SHISAL1: variants seen among roughly 807,000 people sequenced by gnomAD.
The protein encoded by SHISAL1 is protein shisa-like-1.
A neutral mutation model predicts 22.6 loss-of-function variants in SHISAL1; 9 were observed. That is an observed-to-expected ratio of 0.40 (90% CI 0.24 to 0.70). The LOEUF (loss-of-function observed/expected upper bound fraction) is 0.70. Ranked by LOEUF, SHISAL1 falls within the 30% of genes least tolerant of loss-of-function variation. The pLI, the probability that SHISAL1 is intolerant of heterozygous loss-of-function variation, is 0.39. For missense variants in SHISAL1, 246 were observed against 270.6 expected, an observed-to-expected ratio of 0.91 and a Z score of 0.64; for synonymous variants, 119 against 115.4, an observed-to-expected ratio of 1.03 and a Z score of -0.20.
rs535634282 is a variant in SHISAL1, at chr22:44,279,469, C to T, written c.599+5959G>A. Among the ~76,000 whole-genome samples, 450 of 152,342 alleles carry T rather than the reference C, an allele frequency of 3.0e-3. 2 individuals carry two copies. The highest frequency in any genetic ancestry group is 0.01 in the African/African-American group (431 of 41,572). On this transcript the variant is annotated intron_variant, in intron 4 of 4. Coordinates refer to ENST00000381176, the MANE Select transcript of SHISAL1 (RefSeq NM_001099294.2). ...TGGCTGGCACCCTCCCTGCAGAAAC[C>T]ACACGCCAAGGACCCTGGCTGCAGA...
intron 4 of SHISAL1, among the ~76,000 whole-genome samples, chr22:44,262,451 T>TA (rs1407903780): frequency 6.6e-6 from 1 of 152,206 alleles, no homozygotes; most frequent in Non-Finnish European, 1.5e-5. Context: ...GTACTGATTA[T>TA]CTCTTCTGTG....
the SHISAL1 span, among the ~76,000 whole-genome samples, chr22:44,321,094 AT>A: frequency 6.6e-6 from 1 of 152,128 alleles, no homozygotes. Flanking sequence ...TGGATTAGCA[AT>A]GTCTAATGGT....
At chr22:44,252,835 AT>A (rs2055057624) in intron 4 of SHISAL1, among the ~76,000 whole-genome samples, 1 of 151,932 alleles carries the variant, frequency 6.6e-6, no homozygotes, top group South Asian at 2.1e-4. Context: ...TCTACTAAAA[AT>A]ACAAAAAAAT....
intron 3 of SHISAL1, among the ~76,000 whole-genome samples, chr22:44,290,547 A>G (rs1266570017): frequency 6.6e-6 from 1 of 151,598 alleles, no homozygotes; most frequent in Non-Finnish European, 1.5e-5. Context: ...AAAAAAAACA[A>G]AAAACGGGAG....
intron 1 of SHISAL1, among the ~76,000 whole-genome samples, chr22:44,307,011 T>C (rs1259679387): frequency 6.6e-6 from 1 of 152,136 alleles, no homozygotes; most frequent in East Asian, 1.9e-4. Flanking sequence ...GGAGGGGACC[T>C]GGGATCTGGG....
the SHISAL1 span, among the ~76,000 whole-genome samples, chr22:44,319,148 G>T: frequency 6.6e-6 from 1 of 152,252 alleles, no homozygotes; most frequent in Admixed American, 6.5e-5. Flanking sequence ...CCCTGGCCTC[G>T]CACGCGGTGG....
rs139453427 is a variant in SHISAL1, at chr22:44,294,074, A to T, written c.281+2598T>A. Among the ~76,000 whole-genome samples the T allele has an allele frequency of 3.4e-4, 52 of 152,358 alleles. 3 individuals carry two copies. The East Asian group carries it at 0.01, about 29-fold the overall frequency. ...CAAGCCTTGTCTGGCGTTCAGCCAG[A>T]ACTTGCAGCATGACAGGGTCCTCAC... On this transcript the variant is annotated intron_variant, in intron 3 of 4. Transcript: ENST00000381176.
At chr22:44,251,772 TCCCA>T (rs2055049272) in intron 4 of SHISAL1, among the ~76,000 whole-genome samples, 1 of 152,084 alleles carries the variant, frequency 6.6e-6, no homozygotes, top group Non-Finnish European at 1.5e-5. Flanking sequence ...TTCAATTACC[TCCCA>T]CCAGGTTCCT....
At chr22:44,284,978 C>T (rs1471538881) in intron 4 of SHISAL1, among the ~76,000 whole-genome samples, 2 of 150,704 alleles carry the variant, frequency 1.3e-5, no homozygotes, top group Non-Finnish European at 3.0e-5. Flanking sequence ...ACCCCTCATG[C>T]CATACAAGGC....
At chr22:44,318,933 C>G in the SHISAL1 span, among the ~76,000 whole-genome samples, 2 of 152,222 alleles carry the variant, frequency 1.3e-5, no homozygotes, top group African/African-American at 4.8e-5. Flanking sequence ...GGGCTCCCTC[C>G]AGGATGCGGC....
At chr22:44,264,989 AACACACACACAACAGAGACCCCAAC>A (rs1057403437) in intron 4 of SHISAL1, among the ~76,000 whole-genome samples, 15 of 143,854 alleles carry the variant, frequency 1.0e-4, no homozygotes, top group African/African-American at 1.5e-4. Flanking sequence ...CAGATCCCTT[AACACACACACAACAGAGACCCCAAC>A]ACACACACAC....
In SHISAL1 at chr22:44,306,271, G is replaced by A. The variant is rs556898244; in HGVS notation, c.-32-5294C>T. 6.6e-5 allele frequency among the ~76,000 whole-genome samples: 10 copies of A among 151,978 alleles called. No homozygotes were observed. The South Asian group carries it at 1.7e-3, about 25-fold the overall frequency. On this transcript the variant is annotated intron_variant, in intron 1 of 4. Transcript: ENST00000381176. ...ACTGAGCTCAAGGAGCTCTGACGAC[G>A]ATGGCGTGTGTGGAGGGGACCTGGG...
intron 3 of SHISAL1, among the ~76,000 whole-genome samples, chr22:44,293,075 C>T (rs994408880): frequency 4.6e-5 from 7 of 152,220 alleles, no homozygotes; most frequent in Non-Finnish European, 7.3e-5. Flanking sequence ...TCCCCGCTTC[C>T]CCTTGCTCTT....
At chr22:44,304,687 A>C (rs948990822) in intron 1 of SHISAL1, among the ~76,000 whole-genome samples, 1 of 152,204 alleles carries the variant, frequency 6.6e-6, no homozygotes, top group Non-Finnish European at 1.5e-5. Flanking sequence ...GGGAGTGCTC[A>C]GGAATGGATT....
intron 4 of SHISAL1, among the ~76,000 whole-genome samples, chr22:44,273,493 G>C (rs2055218752): frequency 6.6e-6 from 1 of 152,184 alleles, no homozygotes; most frequent in Non-Finnish European, 1.5e-5. Flanking sequence ...TTAATTGCAT[G>C]TTTATCTAAT....
chr22:44,246,050 G>C lies in SHISAL1; in HGVS notation c.*3635C>G, dbSNP rs1160299201. 2 of 152,272 alleles carry C rather than the reference G, an allele frequency of 1.3e-5. No homozygotes were observed. Among genetic ancestry groups the C allele is most frequent in the Admixed American group, 6.5e-5 (1 of 15,276 alleles). The allele number at this position is 152,272 out of a possible 1,614,324, so 9.4% of individuals were successfully genotyped here. On this transcript the variant is annotated 3_prime_UTR_variant, in exon 5 of 5. Coordinates refer to ENST00000381176, the MANE Select transcript of SHISAL1 (RefSeq NM_001099294.2). ...TAAGGCCTGTTGCACATCAGCAATG[G>C]TCATGGTCAGGTGGCTGGCCTGGCC...
chr22:44,294,672 G>T (rs541892780), intron 3 of SHISAL1, among the ~76,000 whole-genome samples: 2 of 152,212 alleles, frequency 1.3e-5, no homozygotes, highest in African/African-American at 4.8e-5. Flanking sequence ...AATTATCATT[G>T]TTTACAAGTG....
At position 44,300,965 on chromosome 22, in the gene SHISAL1, C is replaced by A; in HGVS notation, c.-20G>T. The A allele has an allele frequency of 6.2e-7, 1 of 1,612,118 alleles. No individual in the cohort carries two copies. Among genetic ancestry groups the A allele is most frequent in the South Asian group, 1.1e-5 (1 of 90,956 alleles). Reference sequence around the variant, plus strand: ...GGTCATCGTCTGGCTTGCATTGATCCGTCCAGAGCTGCCTGTTCAATGAGA... The same window carrying A: ...GGTCATCGTCTGGCTTGCATTGATCAGTCCAGAGCTGCCTGTTCAATGAGA... On this transcript the variant is annotated 5_prime_UTR_variant, in exon 2 of 5. Transcript: ENST00000381176.
At position 44,285,799 on chromosome 22, in the gene SHISAL1, GC is replaced by G. The variant is rs1377130713; in HGVS notation, c.282-55del. ...AGCAGAGGGGAGCAGTCCAGCTCAGGCCGGCTTCATCAGTGGGGCTGATTAG... is the reference window on the plus strand; with the variant it reads ...AGCAGAGGGGAGCAGTCCAGCTCAGGCGGCTTCATCAGTGGGGCTGATTAG... On this transcript the variant is annotated intron_variant, in intron 3 of 4. Coordinates refer to ENST00000381176, the MANE Select transcript of SHISAL1 (RefSeq NM_001099294.2). 2.8e-6 allele frequency: 4 copies of G among 1,451,044 alleles called. No homozygotes were observed. The African/African-American group carries it at 5.6e-5, about 20-fold the overall frequency. 89.9% of individuals were successfully genotyped at this position (1,451,044 alleles called of 1,614,324 possible). A position where few individuals can be genotyped will look rare whatever the true frequency, so the allele number is the denominator to read the frequency against.
Sources: allele counts gnomAD v4.1 joint callset (sites outside exome capture counted in the v4.1 genomes callset), GRCh38; gene constraint gnomAD v4.1.1; transcripts MANE v1.5; gene names NCBI Gene and HGNC (gene_info 2026-07-23, HGNC 2026-07-21).